The following N4BP2L2 variants were observed in gnomAD, a reference collection of about 807,000 sequenced individuals.
N4BP2L2 encodes NEDD4 binding protein 2 like 2.
Under a neutral mutation model 56.2 loss-of-function variants are expected in N4BP2L2, and 50 were observed. The ratio of observed to expected loss-of-function variants is 0.89; its 90% CI spans 0.71 to 1.13. The LOEUF is 1.13. Among genes scored for constraint, N4BP2L2 ranks in the 50% most tolerant of loss-of-function variants. The pLI, the probability that N4BP2L2 is intolerant of heterozygous loss-of-function variation, is 0.00. For synonymous variants in N4BP2L2, 203 were observed against 223.6 expected (o/e 0.91, Z 0.82); for missense variants, 689 against 693.8 (o/e 0.99, Z 0.08).
chr13:32,514,420 TTAAC>T (rs1191639470), exon 6 of N4BP2L2: 2 of 152,208 alleles, frequency 1.3e-5, no homozygotes, highest in African/African-American at 2.4e-5. Flanking sequence ...TGTATTCTAC[TTAAC>T]TAAGATGTAC....
At chr13:32,504,230 C>T (rs577136927) in intron 6 of N4BP2L2, among the ~76,000 whole-genome samples, 2 of 152,300 alleles carry the variant, frequency 1.3e-5, no homozygotes, top group South Asian at 4.1e-4. Flanking sequence ...GTGTTAAGAG[C>T]TGCGTATTTA....
chr13:32,508,570 T>C (rs2091312251), downstream of N4BP2L2: 1 of 152,156 alleles, frequency 6.6e-6, no homozygotes, highest in African/African-American at 2.4e-5. Flanking sequence ...TAAGAATATT[T>C]TGAAAAGTGT....
At chr13:32,451,436 A>G (rs1033806703) in intron 6 of N4BP2L2, among the ~76,000 whole-genome samples, 1 of 152,136 alleles carries the variant, frequency 6.6e-6, no homozygotes, top group African/African-American at 2.4e-5. Flanking sequence ...ATTTTAAAAG[A>G]TAAAAGATTA....
intron 4 of N4BP2L2, 37 bp downstream of exon 4, chr13:32,522,145 A>T (rs2140049314): frequency 2.2e-6 from 3 of 1,340,768 alleles, no homozygotes; most frequent in Non-Finnish European, 3.1e-6. Context: ...AATTGACAAG[A>T]ATAAAAAATA....
exon 6 of N4BP2L2, chr13:32,512,984 A>T (rs2048440020): frequency 6.6e-6 from 1 of 151,976 alleles, no homozygotes; most frequent in African/African-American, 2.4e-5. Flanking sequence ...GTGAGCCAAG[A>T]TCGCGCCACT....
intron 5 of N4BP2L2, among the ~76,000 whole-genome samples, chr13:32,519,356 C>T (rs552522176): frequency 6.6e-6 from 1 of 151,996 alleles, no homozygotes; most frequent in African/African-American, 2.4e-5. Flanking sequence ...TTGCAGTGAG[C>T]CAAGATCGTC....
chr13:32,516,355 C>T (rs908440379), exon 6 of N4BP2L2: 4 of 152,212 alleles, frequency 2.6e-5, no homozygotes, highest in African/African-American at 9.6e-5. Context: ...TACAAACACA[C>T]GTATTAAACA....
chr13:32,526,048 A>AAAAG (rs2052651955), intron 3 of N4BP2L2, among the ~76,000 whole-genome samples: 1 of 151,308 alleles, frequency 6.6e-6, no homozygotes, highest in African/African-American at 2.4e-5. Context: ...AAAAAAAAAA[A>AAAAG]TGTTGAACCT....
intron 5 of N4BP2L2, among the ~76,000 whole-genome samples, chr13:32,520,586 G>A (rs977875401): frequency 9.2e-5 from 14 of 151,738 alleles, no homozygotes; most frequent in African/African-American, 3.4e-4. Context: ...ATGAACCTGG[G>A]AGGCGGAGCT....
intron 6 of N4BP2L2, among the ~76,000 whole-genome samples, chr13:32,447,925 A>G (rs1428844408): frequency 6.6e-6 from 1 of 152,258 alleles, no homozygotes; most frequent in African/African-American, 2.4e-5. Flanking sequence ...AAAGTAAACT[A>G]TCAGAGTTTG....
chr13:32,537,610 T>C (rs2056863873), intron 1 of N4BP2L2, among the ~76,000 whole-genome samples: 1 of 152,170 alleles, frequency 6.6e-6, no homozygotes, highest in Non-Finnish European at 1.5e-5. Context: ...TGTGAGTAGT[T>C]AGCATAAAAG....
At chr13:32,494,697 C>T (rs1244157523) in intron 6 of N4BP2L2, among the ~76,000 whole-genome samples, 1 of 152,106 alleles carries the variant, frequency 6.6e-6, no homozygotes, top group Non-Finnish European at 1.5e-5. Context: ...ACCCGGGAGG[C>T]GGAGCTTGCA....
chr13:32,519,244 CAA>C (rs568918720), intron 5 of N4BP2L2, among the ~76,000 whole-genome samples: 24 of 113,276 alleles, frequency 2.1e-4, no homozygotes, highest in Admixed American at 3.6e-4. Context: ...CCGTCTCTAC[CAA>C]AAAAAAAAAA....
At chr13:32,493,796 G>C (rs1289915431) in intron 6 of N4BP2L2, among the ~76,000 whole-genome samples, 2 of 152,218 alleles carry the variant, frequency 1.3e-5, no homozygotes, top group Non-Finnish European at 2.9e-5. Context: ...CAAGGATTCA[G>C]ACTTATTGAT....
chr13:32,516,775 A>G (rs777078544), exon 6 of N4BP2L2: 7 of 343,538 alleles, frequency 2.0e-5, no homozygotes, highest in Non-Finnish European at 8.2e-6. Flanking sequence ...TAACAATGGT[A>G]TTAAGAGAAG....
intron 6 of N4BP2L2, among the ~76,000 whole-genome samples, chr13:32,500,037 T>C (rs1446955490): frequency 6.6e-6 from 1 of 152,222 alleles, no homozygotes; most frequent in Non-Finnish European, 1.5e-5. Flanking sequence ...TTCCCAAGCA[T>C]AACCTTTGGT....
chr13:32,497,152 G>C (rs1172293288), intron 6 of N4BP2L2, among the ~76,000 whole-genome samples: 1 of 152,320 alleles, frequency 6.6e-6, no homozygotes, highest in East Asian at 1.9e-4. Context: ...TTCACTTTCA[G>C]AGTGAGGTTC....
At chr13:32,438,619 A>AATAC in intron 8 of N4BP2L2, 1 of 1,504,566 alleles carries the variant, frequency 6.6e-7, no homozygotes, top group African/African-American at 1.4e-5. Flanking sequence ...CAACAACAAA[A>AATAC]ATACATACAC....
chr13:32,457,211 G>A (rs2079121459), intron 6 of N4BP2L2, among the ~76,000 whole-genome samples: 1 of 151,968 alleles, frequency 6.6e-6, no homozygotes, highest in African/African-American at 2.4e-5. Flanking sequence ...TAAAAAGAAT[G>A]AACAAAACCT....
Sources: gnomAD v4.1 joint callset for allele counts (sites outside exome capture counted in the v4.1 genomes callset) on GRCh38, gnomAD v4.1.1 for gene constraint, MANE v1.5 for transcripts, NCBI Gene and HGNC (gene_info 2026-07-23, HGNC 2026-07-21) for gene names.